SLC39A14: variants seen among roughly 807,000 people sequenced by gnomAD.
The protein encoded by SLC39A14 is solute carrier family 39 member 14.
SLC39A14 carries 19 observed loss-of-function variants against 45.5 expected under a neutral mutation model. That is an observed-to-expected ratio of 0.42 (90% confidence interval 0.29 to 0.61). The LOEUF (loss-of-function observed/expected upper bound fraction) is 0.61. Ranked by LOEUF, SLC39A14 falls within the 20% of genes least tolerant of loss-of-function variation. SLC39A14 has a pLI of 0.22. For synonymous variants in SLC39A14, 264 were observed against 251.3 expected (o/e 1.05, Z -0.48); for missense variants, 447 against 616.5 (o/e 0.73, Z 2.91).
intron 1 of SLC39A14, among the ~76,000 whole-genome samples, chr8:22,397,662 GT>G (rs907206096): frequency 3.9e-5 from 6 of 152,140 alleles, no homozygotes; most frequent in African/African-American, 1.4e-4. Context: ...ACTTGTCAGG[GT>G]TTTTCCCTAC....
chr8:22,377,974 A>G (rs1233220551), intron 1 of SLC39A14, among the ~76,000 whole-genome samples: 1 of 152,208 alleles, frequency 6.6e-6, no homozygotes, highest in South Asian at 2.1e-4. Flanking sequence ...TGTCTTAAAC[A>G]ATACTCCTTT....
At chr8:22,400,722 G>A (rs965595985) in intron 1 of SLC39A14, among the ~76,000 whole-genome samples, 19 of 152,290 alleles carry the variant, frequency 1.2e-4, no homozygotes, top group Admixed American at 5.9e-4. Flanking sequence ...TGCCCCATAC[G>A]TGGATCCTAA....
At chr8:22,417,028 G>T (rs562340229) in intron 7 of SLC39A14, among the ~76,000 whole-genome samples, 39 of 152,316 alleles carry the variant, frequency 2.6e-4, no homozygotes, top group African/African-American at 9.1e-4. Context: ...GATGAACCAG[G>T]GGGTAGGAGG....
rs373230777 is a variant in SLC39A14, at chr8:22,371,414, C to CTTTTTTTTT, written c.-16+4035_-16+4043dup. Among the ~76,000 whole-genome samples, 41 of 120,114 alleles carry CTTTTTTTTT rather than the reference C, an allele frequency of 3.4e-4. 4 individuals are homozygous for CTTTTTTTTT. Among genetic ancestry groups the CTTTTTTTTT allele is most frequent in the Middle Eastern group, 4.9e-3 (1 of 204 alleles). 78.8% of individuals were successfully genotyped at this position (120,114 alleles called of 152,430 possible). ...GGATATCTAAAAAAAAAATACATGT[C>CTTTTTTTTT]TTTTTTTTTTTTTTTTTTTTTTTTT... On this transcript the variant is annotated intron_variant, in intron 1 of 8. Coordinates refer to ENST00000381237, the MANE Select transcript of SLC39A14 (RefSeq NM_001128431.4).
intron 8 of SLC39A14, among the ~76,000 whole-genome samples, chr8:22,433,393 T>G (rs7812625): frequency 0.029 from 4,374 of 151,972 alleles, 201 homozygotes; most frequent in African/African-American, 0.099. Flanking sequence ...TTGTCCAGGA[T>G]GGAGTGCAGT....
rs778637012 is a variant in SLC39A14, at chr8:22,410,129, G to A, written c.457+1633G>A. The stretch of plus-strand genomic sequence containing the variant: ...CTCATCCCAGAGGTGCAGTAGAACA[G>A]AAACTTGCGCGTCCTCTTTCCCTGG... On this transcript the variant is annotated intron_variant, in intron 3 of 8. Transcript: ENST00000381237. 6.2e-6 allele frequency: 10 copies of A among 1,613,920 alleles called. No individual in the cohort carries two copies. In the East Asian group the frequency reaches 2.2e-4, roughly 36 times the overall value.
rs13266541 is a variant in SLC39A14 at position 22,408,622 on chromosome 8, G to A, written c.457+126G>A. ...CAGTGATGACCAGGATGAGGTTGTC[G>A]GTGTCAGGAGCGGGAGCGATGATTG... On this transcript the variant is annotated intron_variant, in intron 3 of 8. Coordinates refer to ENST00000381237, the MANE Select transcript of SLC39A14 (RefSeq NM_001128431.4). The A allele has an allele frequency of 0.36, 317,441 of 884,248 alleles. 60,369 individuals are homozygous for A. Among genetic ancestry groups the A allele is most frequent in the East Asian group, 0.61 (22,842 of 37,202 alleles). The allele number at this position is 884,248 out of a possible 1,614,324, so 54.8% of individuals were successfully genotyped here.
In SLC39A14 at chr8:22,420,749, T is replaced by A. The variant is rs1393108270; in HGVS notation, c.*1051T>A. On this transcript the variant is annotated 3_prime_UTR_variant, in exon 9 of 9. Coordinates refer to ENST00000381237, the MANE Select transcript of SLC39A14 (RefSeq NM_001128431.4). ...CAGGCAAAATTTAGGATTTGCCGCT[T>A]CCATAAATCAAAGCATGACTAATAG... 3 of 985,438 alleles carry A rather than the reference T, an allele frequency of 3.0e-6. No individual in the cohort carries two copies. The highest frequency in any genetic ancestry group is 3.6e-6 in the Non-Finnish European group (3 of 829,938). 61.0% of individuals were successfully genotyped at this position (985,438 alleles called of 1,614,324 possible).
intron 1 of SLC39A14, among the ~76,000 whole-genome samples, chr8:22,387,498 C>T (rs577515126): frequency 1.9e-4 from 29 of 152,208 alleles, no homozygotes; most frequent in African/African-American, 5.5e-4. Flanking sequence ...GTTTGCAGGA[C>T]GTGGAGGAGT....
chr8:22,376,815 C>A (rs1369188546), intron 1 of SLC39A14, among the ~76,000 whole-genome samples: 1 of 151,892 alleles, frequency 6.6e-6, no homozygotes, highest in African/African-American at 2.4e-5. Flanking sequence ...GAGGTGGAGG[C>A]TGCAGTGAGC....
At chr8:22,374,630 G>A (rs1172749461) in intron 1 of SLC39A14, among the ~76,000 whole-genome samples, 1 of 151,934 alleles carries the variant, frequency 6.6e-6, no homozygotes, top group Admixed American at 6.6e-5. Context: ...TAGGAGTCTT[G>A]AATGGCTCGG....
intron 3 of SLC39A14, among the ~76,000 whole-genome samples, chr8:22,411,059 A>G (rs1376222709): frequency 2.6e-5 from 4 of 152,230 alleles, no homozygotes; most frequent in African/African-American, 9.6e-5. Context: ...CCATCTCAAA[A>G]TTCTGCATGG....
downstream of SLC39A14, among the ~76,000 whole-genome samples, chr8:22,423,570 C>T (rs1333072731): frequency 4.6e-5 from 7 of 151,954 alleles, no homozygotes; most frequent in East Asian, 1.9e-4. Context: ...CTCCTGACCT[C>T]GTGATCCCCC....
At chr8:22,407,827 C>A (rs964873242) in intron 2 of SLC39A14, among the ~76,000 whole-genome samples, 6 of 152,058 alleles carry the variant, frequency 3.9e-5, no homozygotes, top group Admixed American at 3.9e-4. Context: ...CCCCCTGCCT[C>A]AGCCTCCTCA....
chr8:22,408,545 C>T (rs756475794), intron 3 of SLC39A14, 49 bp downstream of exon 3: 1 of 1,535,058 alleles, frequency 6.5e-7, no homozygotes, highest in Non-Finnish European at 8.8e-7. Flanking sequence ...TCGCCCGCGT[C>T]TCACAAGGAC....
Position 22,386,027 on chromosome 8 carries a change from C to T in SLC39A14, c.-16+18619C>T, listed in dbSNP as rs1322505803. 5.3e-5 allele frequency among the ~76,000 whole-genome samples: 8 copies of T among 152,188 alleles called. 1 individual carries two copies. The East Asian group carries it at 1.5e-3, about 29-fold the overall frequency. ...CAATCTTGGCTGACTGCAACCTCTG[C>T]CTCCTGGATTAATGTGATTCTCCTG... is the stretch of plus-strand genomic sequence containing the variant. On this transcript the variant is annotated intron_variant, in intron 1 of 8. Coordinates refer to ENST00000381237, the MANE Select transcript of SLC39A14 (RefSeq NM_001128431.4).
At chr8:22,416,003 T>G in intron 6 of SLC39A14, 46 bp downstream of exon 6, 1 of 1,604,436 alleles carries the variant, frequency 6.2e-7, no homozygotes, top group South Asian at 1.1e-5. Context: ...AGAGGTTGAC[T>G]CAGGCTTACC....
chr8:22,372,356 T>G (rs1026481334), intron 1 of SLC39A14, among the ~76,000 whole-genome samples: 1 of 152,194 alleles, frequency 6.6e-6, no homozygotes, highest in African/African-American at 2.4e-5. Flanking sequence ...AGCACCTTGC[T>G]TTTTTCACCT....
chr8:22,388,855 T>G (rs1242952877), intron 1 of SLC39A14, among the ~76,000 whole-genome samples: 1 of 140,178 alleles, frequency 7.1e-6, no homozygotes, highest in Non-Finnish European at 1.5e-5. Flanking sequence ...CTAACCCAAT[T>G]TGGAAATATG....
Sources: allele counts gnomAD v4.1 joint callset (sites outside exome capture counted in the v4.1 genomes callset), GRCh38; gene constraint gnomAD v4.1.1; transcripts MANE v1.5; gene names NCBI Gene and HGNC (gene_info 2026-07-23, HGNC 2026-07-21).